The following C14orf39 variants were observed in gnomAD, a reference collection of about 807,000 sequenced individuals.
C14orf39 encodes chromosome 14 open reading frame 39.
In C14orf39, 66 loss-of-function variants were observed where a neutral mutation model predicts 85.6. The ratio of observed to expected loss-of-function variants is 0.77; its 90% CI spans 0.63 to 0.95. The LOEUF (loss-of-function observed/expected upper bound fraction) is 0.95. C14orf39 is among the 40% of genes least tolerant of loss of function. C14orf39 has a pLI of 0.00. For synonymous variants in C14orf39, 242 were observed against 214.0 expected, an observed-to-expected ratio of 1.13 and a Z score of -1.14; for missense variants, 735 against 663.9, an observed-to-expected ratio of 1.11 and a Z score of -1.18.
intron 17 of C14orf39, among the ~76,000 whole-genome samples, chr14:60,440,306 CCT>C (rs111425885): frequency 0.033 from 4,995 of 152,154 alleles, 274 homozygotes; most frequent in African/African-American, 0.11. Context: ...AAATGAAACC[CCT>C]GTCTCCTCAA....
intron 2 of C14orf39, chr14:60,496,046 C>A: frequency 1.3e-6 from 1 of 759,108 alleles, no homozygotes; most frequent in Non-Finnish European, 2.1e-6. Context: ...CATGAGGTAG[C>A]TTGGCTTGTT....
At chr14:60,463,118 A>C (rs1273645055) in intron 11 of C14orf39, among the ~76,000 whole-genome samples, 1 of 152,132 alleles carries the variant, frequency 6.6e-6, no homozygotes. Context: ...TACCAAGCAA[A>C]TATTTTAAGT....
At chr14:60,490,153 T>A (rs1326264508), upstream of C14orf39, among the ~76,000 whole-genome samples, 1 of 152,180 alleles carries the variant, frequency 6.6e-6, no homozygotes, top group Admixed American at 6.5e-5. Flanking sequence ...TAGGCCTTTT[T>A]TCATCTGTAC....
chr14:60,488,261 C>A (rs1334755118), upstream of C14orf39, among the ~76,000 whole-genome samples: 1 of 152,142 alleles, frequency 6.6e-6, no homozygotes, highest in Non-Finnish European at 1.5e-5. Context: ...AAATTCACAT[C>A]TATACATATC....
intron 1 of C14orf39, among the ~76,000 whole-genome samples, chr14:60,502,200 T>C (rs1893157854): frequency 6.6e-6 from 1 of 152,198 alleles, no homozygotes; most frequent in African/African-American, 2.4e-5. Context: ...AATTGAGTAT[T>C]GTATCTTTAT....
At chr14:60,455,214 A>G in intron 15 of C14orf39, 69 bp from the exon 16 acceptor site, 1 of 1,116,680 alleles carries the variant, frequency 9.0e-7, no homozygotes, top group South Asian at 1.6e-5. Flanking sequence ...TAAGCATCAT[A>G]AGCAACAGCA....
At chr14:60,446,009 A>G (rs1890746862) in intron 16 of C14orf39, among the ~76,000 whole-genome samples, 1 of 152,190 alleles carries the variant, frequency 6.6e-6, no homozygotes, top group Non-Finnish European at 1.5e-5. Flanking sequence ...GTTCTTTGAA[A>G]CCAATGAGAA....
chr14:60,508,934 CCTCTCTTTTT>C, intron 1 of C14orf39: 1 of 182,868 alleles, frequency 5.5e-6, no homozygotes, highest in South Asian at 1.2e-4. Flanking sequence ...GCCGCACTCG[CCTCTCTTTTT>C]CTCCCAGACA....
chr14:60,449,024 T>C (rs1001845770), intron 16 of C14orf39, among the ~76,000 whole-genome samples: 75 of 151,200 alleles, frequency 5.0e-4, no homozygotes, highest in African/African-American at 1.8e-3. Flanking sequence ...CATTACATAC[T>C]GGGGCCTGTC....
intron 2 of C14orf39, chr14:60,499,228 C>G (rs1329078969): frequency 3.3e-5 from 5 of 150,130 alleles, no homozygotes; most frequent in Non-Finnish European, 7.4e-5. Flanking sequence ...TCCACTCCAG[C>G]CTGGCCGACA....
chr14:60,491,160 G>C lies in C14orf39; in HGVS notation c.-8-6074C>G, dbSNP rs147260070. Among the ~76,000 whole-genome samples the C allele has an allele frequency of 2.6e-5, 4 of 152,248 alleles. No individual in the cohort carries two copies. In the East Asian group the frequency reaches 7.7e-4, roughly 29 times the overall value. ...CACTATAACAAAACACCACTACCTA[G>C]ATAATTCATAAATAATAGAAATTTA... On this transcript the variant is annotated intron_variant, in intron 2 of 5. Coordinates refer to the C14orf39 transcript ENST00000556799. The surrounding 1 kb of genome is among the most constrained non-coding windows in gnomAD (Gnocchi z 4.5).
At position 60,466,033 on chromosome 14, in the gene C14orf39, C is replaced by T. The variant is rs370956864; in HGVS notation, c.918G>A (p.Ala306=). The T allele has an allele frequency of 1.7e-5, 26 of 1,549,568 alleles. 1 individual carries two copies. In the African/African-American group the frequency reaches 2.7e-4, roughly 16 times the overall value. The part of the protein sequence containing the change: ...RVADIKEESS[A]KQSKLANIDF... ...CAATATTGGCAAGCTTTGACTGCTTCGCAGAACTTTCTTCTTTTATATCTA... is the reference window on the plus strand; with the variant it reads ...CAATATTGGCAAGCTTTGACTGCTTTGCAGAACTTTCTTCTTTTATATCTA... The change falls in exon 11 of 18, where the codon GCG becomes GCA. Residue 306 remains alanine (A), a synonymous_variant. Coordinates refer to ENST00000321731, the MANE Select transcript of C14orf39 (RefSeq NM_174978.3).
chr14:60,441,942 C>A (rs1890534498), intron 17 of C14orf39, 132 bp downstream of exon 17: 2 of 585,218 alleles, frequency 3.4e-6, no homozygotes, highest in African/African-American at 1.9e-5. Flanking sequence ...AAAAGAATAT[C>A]AGTGAGTAGT....
intron 14 of C14orf39, 61 bp downstream of exon 14, chr14:60,458,616 TA>T (rs1279463370): frequency 8.5e-7 from 1 of 1,170,172 alleles, no homozygotes; most frequent in African/African-American, 1.5e-5. Context: ...GAAATTTAAA[TA>T]GACATAATAT....
chr14:60,495,510 TA>T, intron 2 of C14orf39: 2 of 201,854 alleles, frequency 9.9e-6, no homozygotes, highest in Admixed American at 4.7e-5. Flanking sequence ...GTTGGCTGCC[TA>T]AAGAGAGACT....
chr14:60,482,429 T>C (rs1254755931), intron 4 of C14orf39, among the ~76,000 whole-genome samples: 1 of 152,228 alleles, frequency 6.6e-6, no homozygotes, highest in Non-Finnish European at 1.5e-5. Context: ...TGTTTTTTAA[T>C]AATTCATTTT....
At position 60,467,058 on chromosome 14, in the gene C14orf39, T is replaced by C; in HGVS notation, c.768-14A>G. On this transcript the variant is annotated splice_polypyrimidine_tract_variant and intron_variant, in intron 9 of 17. Transcript: ENST00000321731. ...TTTCCAAAAATTCTAAAGAGAAAGG[T>C]GAATTACATTAAATATTAGATAAGT... 8.2e-7 allele frequency: 1 copy of C among 1,223,618 alleles called. No individual in the cohort carries two copies. Among genetic ancestry groups the C allele is most frequent in the Middle Eastern group, 2.2e-4 (1 of 4,594 alleles). The allele number at this position is 1,223,618 out of a possible 1,614,324, so 75.8% of individuals were successfully genotyped here.
rs1489032277 is a variant in C14orf39, at chr14:60,478,406, A to G, written c.234-17T>C. 4 of 1,384,354 alleles carry G rather than the reference A, an allele frequency of 2.9e-6. No homozygotes were observed. The highest frequency in any genetic ancestry group is 4.0e-6 in the Non-Finnish European group (4 of 1,003,702). The allele number at this position is 1,384,354 out of a possible 1,614,324, so 85.8% of individuals were successfully genotyped here. ...GGCTTCCAGCTATAGAAAAAAATAT[A>G]TTTGTAATTAGCAACTCAGAATGAT... On this transcript the variant is annotated splice_polypyrimidine_tract_variant and intron_variant, in intron 4 of 17. Transcript: ENST00000321731.
chr14:60,500,655 T>C (rs753961649), intron 1 of C14orf39, among the ~76,000 whole-genome samples: 2 of 152,154 alleles, frequency 1.3e-5, no homozygotes, highest in Non-Finnish European at 2.9e-5. Context: ...AGGAAAAGGC[T>C]ATAAAACAGT....
Sources: gnomAD v4.1 joint callset for allele counts (sites outside exome capture counted in the v4.1 genomes callset) on GRCh38, gnomAD v4.1.1 for gene constraint, Gnocchi (gnomAD v3.1) non-coding constraint, MANE v1.5 for transcripts, NCBI Gene and HGNC (gene_info 2026-07-23, HGNC 2026-07-21) for gene names.